Variants in THNSL1 observed in about 807,000 individuals in gnomAD.
The protein encoded by THNSL1 is threonine synthase like 1.
A neutral mutation model predicts 50.4 loss-of-function variants in THNSL1; 48 were observed. The ratio of observed to expected loss-of-function variants is 0.95; its 90% CI spans 0.76 to 1.21. The LOEUF (loss-of-function observed/expected upper bound fraction) is 1.21. THNSL1 is among the 50% of genes most tolerant of loss of function. The pLI, the probability that THNSL1 is intolerant of heterozygous loss-of-function variation, is 0.00. For synonymous variants in THNSL1, 309 were observed against 306.1 expected, an observed-to-expected ratio of 1.01 and a Z score of -0.10; for missense variants, 896 against 871.7, an observed-to-expected ratio of 1.03 and a Z score of -0.35.
At chr10:24,973,169 T>C in the THNSL1 span, among the ~76,000 whole-genome samples, 1 of 152,168 alleles carries the variant, frequency 6.6e-6, no homozygotes, top group Non-Finnish European at 1.5e-5. Context: ...AAGGAAGCAC[T>C]TTATGGCTTT....
chr10:25,022,280 GT>G (rs1850736712), intron 2 of THNSL1, among the ~76,000 whole-genome samples: 1 of 152,110 alleles, frequency 6.6e-6, no homozygotes, highest in Non-Finnish European at 1.5e-5. Context: ...CAGAATAATT[GT>G]TGTCTCTCAT....
At chr10:24,954,102 T>C in the THNSL1 span, among the ~76,000 whole-genome samples, 1 of 152,234 alleles carries the variant, frequency 6.6e-6, no homozygotes. Context: ...CACCATCTTT[T>C]ATTTTCATTT....
chr10:25,015,759 AC>A, upstream of THNSL1: 1 of 1,114,914 alleles, frequency 9.0e-7, no homozygotes, highest in Non-Finnish European at 1.2e-6. Context: ...AGGCAAAAAT[AC>A]ATTTTATTTA....
the THNSL1 span, among the ~76,000 whole-genome samples, chr10:24,960,256 G>A: frequency 6.6e-6 from 1 of 152,080 alleles, no homozygotes; most frequent in Non-Finnish European, 1.5e-5. Flanking sequence ...AAGCAGAGCT[G>A]GGATGTGGTA....
the THNSL1 span, among the ~76,000 whole-genome samples, chr10:24,976,636 C>T: frequency 2.6e-5 from 4 of 151,882 alleles, no homozygotes; most frequent in Non-Finnish European, 5.9e-5. Context: ...ATTACAGGTG[C>T]CTGCCACCAC....
At chr10:25,015,810 G>T (rs774187690), upstream of THNSL1, 12 of 1,512,364 alleles carry the variant, frequency 7.9e-6, no homozygotes, top group African/African-American at 1.4e-5. Flanking sequence ...AATTAATACT[G>T]AGTATTCCCC....
the THNSL1 span, among the ~76,000 whole-genome samples, chr10:25,000,289 A>G: frequency 2.0e-5 from 3 of 152,156 alleles, no homozygotes; most frequent in African/African-American, 7.2e-5. Flanking sequence ...AAAAGAAAGT[A>G]TGTTGTGCCG....
At chr10:24,992,803 A>G in the THNSL1 span, among the ~76,000 whole-genome samples, 1 of 152,220 alleles carries the variant, frequency 6.6e-6, no homozygotes, top group Non-Finnish European at 1.5e-5. Flanking sequence ...TGTGTTCTGG[A>G]AGCTGCAGAG....
chr10:24,975,263 C>G, the THNSL1 span, among the ~76,000 whole-genome samples: 4 of 152,292 alleles, frequency 2.6e-5, no homozygotes, highest in South Asian at 2.1e-4. Context: ...TAAGGTTTGT[C>G]CTCAGTATTG....
the THNSL1 span, among the ~76,000 whole-genome samples, chr10:24,994,597 G>T: frequency 6.6e-6 from 1 of 152,026 alleles, no homozygotes; most frequent in Admixed American, 6.5e-5. Flanking sequence ...CTAAAGTGCT[G>T]GGATTACAGT....
At chr10:25,009,986 C>T in the THNSL1 span, among the ~76,000 whole-genome samples, 5 of 152,084 alleles carry the variant, frequency 3.3e-5, no homozygotes, top group African/African-American at 1.2e-4. Context: ...AAATTGGTAC[C>T]AGTAGAGTGG....
At chr10:24,952,611 C>T in the THNSL1 span, 2 of 1,301,892 alleles carry the variant, frequency 1.5e-6, no homozygotes, top group African/African-American at 1.6e-5. This position sits in a 1 kb window ranked among gnomAD's most constrained non-coding sequence, Gnocchi z 5.1. Context: ...GAAGACGGCG[C>T]GGGAAGGAGC....
chr10:25,021,809 T>G lies in THNSL1; in HGVS notation c.-148T>G, dbSNP rs775844758. 7 of 152,130 alleles carry G rather than the reference T, an allele frequency of 4.6e-5. No individual in the cohort carries two copies. The highest frequency in any genetic ancestry group is 8.8e-5 in the Non-Finnish European group (6 of 68,002). The allele number at this position is 152,130 out of a possible 1,614,324, so 9.4% of individuals were successfully genotyped here. On this transcript the variant is annotated 5_prime_UTR_variant, in exon 2 of 3. Coordinates refer to ENST00000376356, the MANE Select transcript of THNSL1 (RefSeq NM_024838.5). ...AACTCTTCAGATTGGTTCCGGTGTGTCCTATGTTTACAAGTCAGTGGAAAT... is the reference window on the plus strand; with the variant it reads ...AACTCTTCAGATTGGTTCCGGTGTGGCCTATGTTTACAAGTCAGTGGAAAT...
In THNSL1 at chr10:25,025,254, G is replaced by C; in HGVS notation, c.2031G>C (p.Gln677His). Reference sequence around the variant, plus strand: ...CAAAGTTTGCACCTGCTATCATGCAGGCTTTAAAGATTAAAGAAATCAATG... The same window carrying C: ...CAAAGTTTGCACCTGCTATCATGCACGCTTTAAAGATTAAAGAAATCAATG... ...HYSKFAPAIMQALKIKEINET... is the reference protein window; with the variant it reads ...HYSKFAPAIMHALKIKEINET... Residue 677 changes from glutamine (Q) to histidine (H), a missense_variant, in exon 3 of 3, where the codon CAG becomes CAC. Physicochemically the swap from Gln to His is conservative, Grantham distance 24. Transcript: ENST00000376356. The C allele has an allele frequency of 6.2e-7, 1 of 1,614,156 alleles. No homozygotes were observed. The highest frequency in any genetic ancestry group is 8.5e-7 in the Non-Finnish European group (1 of 1,180,032).
chr10:24,972,815 A>G, the THNSL1 span, among the ~76,000 whole-genome samples: 1 of 152,194 alleles, frequency 6.6e-6, no homozygotes, highest in Non-Finnish European at 1.5e-5. Flanking sequence ...AGTGATCAAG[A>G]TAAGTCCAGC....
At chr10:24,990,982 C>A in the THNSL1 span, among the ~76,000 whole-genome samples, 11 of 152,170 alleles carry the variant, frequency 7.2e-5, no homozygotes, top group African/African-American at 2.7e-4. Flanking sequence ...TGCCAGTAGT[C>A]CCAGCTATTC....
chr10:25,010,690 C>T, the THNSL1 span, among the ~76,000 whole-genome samples: 16 of 141,876 alleles, frequency 1.1e-4, no homozygotes, highest in Non-Finnish European at 9.3e-5. Context: ...TGAGAACATG[C>T]GGTGTTTGGT....
In THNSL1 at chr10:25,023,845, T is replaced by C. The variant is rs1850775930; in HGVS notation, c.622T>C (p.Ser208Pro). The change falls in exon 3 of 3, where the codon TCC (serine) becomes CCC (proline). Residue 208 changes from serine to proline, a missense_variant. Physicochemically the swap from Ser to Pro is moderately conservative, Grantham distance 74. Coordinates refer to ENST00000376356, the MANE Select transcript of THNSL1 (RefSeq NM_024838.5). Reference protein sequence around the residue: ...DARVFCESGASPEEVADKVLN... With the variant: ...DARVFCESGAPPEEVADKVLN... ...TCGTGTTTTCTGTGAAAGTGGGGCT[T>C]CCCCAGAGGAGGTAGCTGACAAAGT... The C allele has an allele frequency of 6.2e-7, 1 of 1,614,070 alleles. No individual in the cohort carries two copies. The highest frequency in any genetic ancestry group is 8.5e-7 in the Non-Finnish European group (1 of 1,180,040).
At chr10:24,999,510 G>C in the THNSL1 span, 3 of 1,612,480 alleles carry the variant, frequency 1.9e-6, no homozygotes, top group Non-Finnish European at 2.5e-6. Flanking sequence ...CTTTTTGCAT[G>C]TCATCTTTTA....
Sources: gnomAD v4.1 joint callset for allele counts (sites outside exome capture counted in the v4.1 genomes callset) on GRCh38, gnomAD v4.1.1 for gene constraint, Gnocchi (gnomAD v3.1) non-coding constraint, MANE v1.5 for transcripts, NCBI Gene and HGNC (gene_info 2026-07-23, HGNC 2026-07-21) for gene names.